SCHIP1: variants seen among roughly 807,000 people sequenced by gnomAD.
SCHIP1 encodes schwannomin interacting protein 1.
In SCHIP1, 8 loss-of-function variants were observed where a neutral mutation model predicts 29.7. The ratio of observed to expected loss-of-function variants is 0.27; its 90% CI spans 0.16 to 0.49. The LOEUF (loss-of-function observed/expected upper bound fraction) is 0.49. Ranked by LOEUF, SCHIP1 falls within the 20% of genes least tolerant of loss-of-function variation. The pLI, the probability that SCHIP1 is intolerant of heterozygous loss-of-function variation, is 0.99. For missense variants in SCHIP1, 193 were observed against 294.6 expected (o/e 0.66, Z 2.52); for synonymous variants, 76 against 94.9 (o/e 0.80, Z 1.16).
At chr3:159,501,863 G>C in the SCHIP1 span, among the ~76,000 whole-genome samples, 1 of 152,050 alleles carries the variant, frequency 6.6e-6, no homozygotes, top group Non-Finnish European at 1.5e-5. Context: ...TGTTGCATTT[G>C]GATACATGAG....
the SCHIP1 span, among the ~76,000 whole-genome samples, chr3:159,580,726 C>G: frequency 6.6e-6 from 1 of 152,174 alleles, no homozygotes; most frequent in African/African-American, 2.4e-5. Flanking sequence ...AATTTGGCCC[C>G]CTTTTCAAAG....
the SCHIP1 span, among the ~76,000 whole-genome samples, chr3:159,410,276 T>C: frequency 6.6e-5 from 10 of 151,986 alleles, no homozygotes; most frequent in Non-Finnish European, 1.3e-4. Flanking sequence ...AATGGACAAG[T>C]GAGACTACAT....
At chr3:159,737,440 T>C in the SCHIP1 span, among the ~76,000 whole-genome samples, 2 of 152,190 alleles carry the variant, frequency 1.3e-5, no homozygotes, top group African/African-American at 4.8e-5. Flanking sequence ...ACTGGTCCTC[T>C]AGTTCAACAA....
chr3:159,294,383 G>A, the SCHIP1 span, among the ~76,000 whole-genome samples: 2 of 152,024 alleles, frequency 1.3e-5, no homozygotes, highest in Non-Finnish European at 2.9e-5. Context: ...CTCACAAGCT[G>A]GAACTGCCAA....
At chr3:159,874,101 A>C (rs1418367771) in intron 2 of SCHIP1, among the ~76,000 whole-genome samples, 1 of 152,186 alleles carries the variant, frequency 6.6e-6, no homozygotes, top group Non-Finnish European at 1.5e-5. Flanking sequence ...ATTGTGAAGG[A>C]AGTTTTCTCT....
At chr3:159,834,412 T>C in the SCHIP1 span, among the ~76,000 whole-genome samples, 1 of 152,220 alleles carries the variant, frequency 6.6e-6, no homozygotes, top group African/African-American at 2.4e-5. Context: ...CTTCGTCATA[T>C]CTAGTCATTT....
the SCHIP1 span, among the ~76,000 whole-genome samples, chr3:159,596,890 A>G: frequency 7.2e-6 from 1 of 139,824 alleles, no homozygotes. Context: ...TGGCACATGT[A>G]TACATATGTA....
chr3:159,707,294 A>C, the SCHIP1 span, among the ~76,000 whole-genome samples: 33 of 152,352 alleles, frequency 2.2e-4, no homozygotes, highest in South Asian at 6.6e-3. Context: ...AATCATTAAA[A>C]GATAGAGCTG....
At chr3:159,399,916 G>A in the SCHIP1 span, among the ~76,000 whole-genome samples, 1 of 152,182 alleles carries the variant, frequency 6.6e-6, no homozygotes, top group Non-Finnish European at 1.5e-5. Context: ...GACCTCCAGT[G>A]ATCATCCTGC....
At chr3:159,878,549 C>T (rs1272413971) in intron 2 of SCHIP1, among the ~76,000 whole-genome samples, 3 of 151,568 alleles carry the variant, frequency 2.0e-5, no homozygotes, top group Non-Finnish European at 4.4e-5. Flanking sequence ...GAGGCCGAGG[C>T]GGGCGAATCA....
At chr3:159,669,743 A>G in the SCHIP1 span, among the ~76,000 whole-genome samples, 1 of 152,234 alleles carries the variant, frequency 6.6e-6, no homozygotes, top group African/African-American at 2.4e-5. Flanking sequence ...ATTCCATGAC[A>G]CTGAACACGA....
chr3:159,432,559 G>A, the SCHIP1 span, among the ~76,000 whole-genome samples: 1 of 152,066 alleles, frequency 6.6e-6, no homozygotes, highest in African/African-American at 2.4e-5. Flanking sequence ...CTTGTGGACA[G>A]CTTTTAAAAC....
At chr3:159,676,865 A>C in the SCHIP1 span, among the ~76,000 whole-genome samples, 1 of 152,214 alleles carries the variant, frequency 6.6e-6, no homozygotes, top group Non-Finnish European at 1.5e-5. Flanking sequence ...AGAGACAATA[A>C]TAGTTCCTTG....
At chr3:159,402,762 C>G in the SCHIP1 span, among the ~76,000 whole-genome samples, 4 of 152,182 alleles carry the variant, frequency 2.6e-5, no homozygotes, top group South Asian at 8.3e-4. Flanking sequence ...AGGCGAACAT[C>G]ACACACTGGG....
chr3:159,876,737 TGC>T, intron 2 of SCHIP1, among the ~76,000 whole-genome samples: 1 of 152,328 alleles, frequency 6.6e-6, no homozygotes, highest in Admixed American at 6.5e-5. Flanking sequence ...ATGTTTCTTG[TGC>T]ACAAAAAGAG....
the SCHIP1 span, among the ~76,000 whole-genome samples, chr3:159,534,876 G>T: frequency 6.6e-6 from 1 of 152,154 alleles, no homozygotes; most frequent in African/African-American, 2.4e-5. Flanking sequence ...CCAAGTTTAT[G>T]TATCTATGAA....
chr3:159,473,934 T>C, the SCHIP1 span, among the ~76,000 whole-genome samples: 1 of 152,092 alleles, frequency 6.6e-6, no homozygotes, highest in Non-Finnish European at 1.5e-5. Flanking sequence ...ATCCCCTTTT[T>C]TTCTCCCACC....
the SCHIP1 span, among the ~76,000 whole-genome samples, chr3:159,766,636 A>G: frequency 1.1e-4 from 16 of 152,324 alleles, no homozygotes; most frequent in Non-Finnish European, 1.5e-5. Context: ...TTGGGTATAC[A>G]TGCAAAGTTA....
the SCHIP1 span, among the ~76,000 whole-genome samples, chr3:159,354,956 G>A: frequency 3.3e-5 from 5 of 152,150 alleles, no homozygotes; most frequent in African/African-American, 1.2e-4. Flanking sequence ...GATGCTAAAT[G>A]TACACATATT....
Sources: allele counts gnomAD v4.1 joint callset (sites outside exome capture counted in the v4.1 genomes callset), GRCh38; gene constraint gnomAD v4.1.1; transcripts MANE v1.5; gene names NCBI Gene and HGNC (gene_info 2026-07-23, HGNC 2026-07-21).